CSMD1: variants seen among roughly 807,000 people sequenced by gnomAD.
The protein encoded by CSMD1 is CUB and Sushi multiple domains 1.
A neutral mutation model predicts 417.5 loss-of-function variants in CSMD1; 213 were observed. That is an observed-to-expected ratio of 0.51 (90% CI 0.46 to 0.57). The LOEUF is 0.57. Ranked by LOEUF, CSMD1 falls within the 20% of genes least tolerant of loss-of-function variation. CSMD1 has a pLI of 0.00. For synonymous variants in CSMD1, 2,862 were observed against 1,736.8 expected, an observed-to-expected ratio of 1.65 and a Z score of -16.11; for missense variants, 6,923 against 4,529.7, an observed-to-expected ratio of 1.53 and a Z score of -15.17.
Position 3,040,859 on chromosome 8 carries a change from T to G in CSMD1, c.7661-11346A>C, listed in dbSNP as rs11986899. 9.3e-3 allele frequency among the ~76,000 whole-genome samples: 1,415 copies of G among 152,256 alleles called. 29 individuals are homozygous for G. Among genetic ancestry groups the G allele is most frequent in the African/African-American group, 0.032 (1,338 of 41,552 alleles). On this transcript the variant is annotated intron_variant, in intron 50 of 69. Coordinates refer to ENST00000635120, the MANE Select transcript of CSMD1 (RefSeq NM_033225.6). ...GATGATTTGAATGTTTTGTCGAAAA[T>G]AATCTGTTAGAATATTTCTGAGTAA...
intron 2 of CSMD1, among the ~76,000 whole-genome samples, chr8:4,522,997 C>T (rs76114136): frequency 0.053 from 8,033 of 152,168 alleles, 313 homozygotes; most frequent in Non-Finnish European, 0.072. Flanking sequence ...CCCCCAAGTA[C>T]TAAGGAGTAG....
intron 1 of CSMD1, among the ~76,000 whole-genome samples, chr8:4,835,195 G>A (rs748467296): frequency 3.3e-5 from 5 of 151,936 alleles, no homozygotes; most frequent in East Asian, 1.9e-4. Flanking sequence ...CAATCAAGAG[G>A]TATTTATTTA....
chr8:3,788,428 C>G (rs2623670), intron 5 of CSMD1, among the ~76,000 whole-genome samples: 149,145 of 152,216 alleles, frequency 0.98, 73,145 homozygotes, highest in South Asian at 1. Context: ...AGGTGCCCAA[C>G]AGAAGAACCA....
chr8:3,749,654 T>G (rs1009771064), intron 6 of CSMD1, among the ~76,000 whole-genome samples: 1 of 152,204 alleles, frequency 6.6e-6, no homozygotes, highest in Non-Finnish European at 1.5e-5. Flanking sequence ...CATCATACGC[T>G]GGAAAACAAA....
chr8:3,467,451 G>A (rs780610702), intron 12 of CSMD1, among the ~76,000 whole-genome samples: 1 of 152,308 alleles, frequency 6.6e-6, no homozygotes, highest in Non-Finnish European at 1.5e-5. Context: ...TCAATTGAAG[G>A]TCAGGTCTAA....
At chr8:3,056,100 A>G (rs1196854476) in intron 49 of CSMD1, among the ~76,000 whole-genome samples, 1 of 152,242 alleles carries the variant, frequency 6.6e-6, no homozygotes, top group Non-Finnish European at 1.5e-5. Context: ...ATTTGCAAAT[A>G]AAAATATTAG....
At chr8:4,400,797 T>A (rs1009867960) in intron 3 of CSMD1, among the ~76,000 whole-genome samples, 1 of 151,366 alleles carries the variant, frequency 6.6e-6, no homozygotes, top group African/African-American at 2.4e-5. Context: ...AAACTATTGA[T>A]GAGCTCATGC....
At chr8:3,519,498 G>A (rs1290009579) in intron 10 of CSMD1, among the ~76,000 whole-genome samples, 1 of 152,120 alleles carries the variant, frequency 6.6e-6, no homozygotes. Flanking sequence ...TCAAACTCCA[G>A]CCAGCTTGTC....
chr8:3,703,847 G>A (rs962998517), intron 7 of CSMD1, among the ~76,000 whole-genome samples: 1 of 152,168 alleles, frequency 6.6e-6, no homozygotes, highest in Non-Finnish European at 1.5e-5. Context: ...AAGGCAGGAA[G>A]ATCACCTGAG....
intron 12 of CSMD1, among the ~76,000 whole-genome samples, chr8:3,412,369 A>C (rs1812866162): frequency 6.6e-6 from 1 of 152,086 alleles, no homozygotes; most frequent in African/African-American, 2.4e-5. Context: ...CAATGTTTGT[A>C]GAAGTGACTC....
At chr8:4,526,768 G>C (rs971093958) in intron 2 of CSMD1, among the ~76,000 whole-genome samples, 1 of 152,062 alleles carries the variant, frequency 6.6e-6, no homozygotes, top group African/African-American at 2.4e-5. Context: ...CAGGGACTAT[G>C]ATTCTCCACA....
intron 12 of CSMD1, among the ~76,000 whole-genome samples, chr8:3,425,113 G>A (rs1813748125): frequency 6.6e-6 from 1 of 152,122 alleles, no homozygotes; most frequent in South Asian, 2.1e-4. Flanking sequence ...GCGCCACCAT[G>A]CTTGTCCTAT....
At chr8:3,388,847 A>T (rs1811168123) in intron 17 of CSMD1, among the ~76,000 whole-genome samples, 1 of 151,146 alleles carries the variant, frequency 6.6e-6, no homozygotes. Flanking sequence ...TCTATTACCT[A>T]CCACCTGCTC....
chr8:3,416,035 C>A (rs1321217831), intron 12 of CSMD1, among the ~76,000 whole-genome samples: 1 of 152,118 alleles, frequency 6.6e-6, no homozygotes, highest in East Asian at 1.9e-4. Context: ...GGCGCGGCGG[C>A]TCACACCTGT....
At chr8:4,444,298 G>C (rs1021354509) in intron 2 of CSMD1, among the ~76,000 whole-genome samples, 1 of 126,712 alleles carries the variant, frequency 7.9e-6, no homozygotes, top group Non-Finnish European at 1.6e-5. Flanking sequence ...AGTGAACTGA[G>C]ATCTCGCGAC....
intron 3 of CSMD1, among the ~76,000 whole-genome samples, chr8:4,141,734 A>G (rs1160311105): frequency 6.6e-6 from 1 of 151,084 alleles, no homozygotes; most frequent in African/African-American, 2.5e-5. Context: ...GCAACTAAAA[A>G]CGGATACAGT....
chr8:3,731,534 T>G (rs73187241), intron 6 of CSMD1, among the ~76,000 whole-genome samples: 17,118 of 152,142 alleles, frequency 0.11, 1,203 homozygotes, highest in African/African-American at 0.19. Flanking sequence ...GTGCAGCCAG[T>G]ATGGCTGGGG....
rs77650315 is a variant in CSMD1, at chr8:4,020,306, C to G, written c.610+11599G>C. On this transcript the variant is annotated intron_variant, in intron 4 of 69. Transcript: ENST00000635120. The stretch of plus-strand genomic sequence containing the variant: ...GACCAGTGCAGAGCTGCTGAACAAG[C>G]TGTTTCACCACGACAAGCACTTTAA... 7.4e-3 allele frequency among the ~76,000 whole-genome samples: 1,128 copies of G among 152,332 alleles called. 16 individuals are homozygous for G. The highest frequency in any genetic ancestry group is 0.025 in the African/African-American group (1,034 of 41,570).
chr8:3,141,169 G>T (rs898100087), intron 41 of CSMD1, among the ~76,000 whole-genome samples: 7 of 152,218 alleles, frequency 4.6e-5, no homozygotes, highest in African/African-American at 1.7e-4. Context: ...ACGGCCATGG[G>T]AGAGAGTGTG....
Sources: gnomAD v4.1 joint callset for allele counts (sites outside exome capture counted in the v4.1 genomes callset) on GRCh38, gnomAD v4.1.1 for gene constraint, MANE v1.5 for transcripts, NCBI Gene and HGNC (gene_info 2026-07-23, HGNC 2026-07-21) for gene names.